TRPM8: variants seen among roughly 807,000 people sequenced by gnomAD.
The protein encoded by TRPM8 is transient receptor potential cation channel subfamily M member 8.
In TRPM8, 110 loss-of-function variants were observed where a neutral mutation model predicts 133.7. That is an observed-to-expected ratio of 0.82 (90% confidence interval 0.70 to 0.96). TRPM8 has a LOEUF of 0.96. TRPM8 is among the 40% of genes least tolerant of loss of function. The pLI is 0.00. For synonymous variants in TRPM8, 535 were observed against 532.3 expected (o/e 1.01, Z -0.07); for missense variants, 1,291 against 1,379.5 (o/e 0.94, Z 1.02).
chr2:233,921,817 C>T (rs1255829276), intron 1 of TRPM8, among the ~76,000 whole-genome samples: 3 of 151,200 alleles, frequency 2.0e-5, no homozygotes, highest in Non-Finnish European at 4.4e-5. Flanking sequence ...ATTACAGGTG[C>T]CCGCCACCAC....
chr2:233,972,401 C>T (rs1691748647), intron 17 of TRPM8, among the ~76,000 whole-genome samples: 1 of 152,272 alleles, frequency 6.6e-6, no homozygotes, highest in South Asian at 2.1e-4. Flanking sequence ...GCCCAGCTGG[C>T]TTCACCCAGT....
rs1041835758 is a variant in TRPM8 at position 233,965,063 on chromosome 2, G to C, written c.1879+306G>C. 3.5e-5 allele frequency among the ~76,000 whole-genome samples: 5 copies of C among 144,906 alleles called. No individual in the cohort carries two copies. The East Asian group carries it at 6.2e-4, about 18-fold the overall frequency. ...GACTACTTTTTTTTGTGGGGGGGGG[G>C]GGTGTTTCTGGATGCCGTTACAACA... On this transcript the variant is annotated intron_variant, in intron 14 of 25. Transcript: ENST00000324695.
At chr2:233,943,988 C>A (rs575953152) in intron 6 of TRPM8, among the ~76,000 whole-genome samples, 2 of 151,778 alleles carry the variant, frequency 1.3e-5, no homozygotes, top group South Asian at 4.2e-4. Flanking sequence ...TTTTGTGCAT[C>A]TTCAAGGAGG....
rs145759489 is a variant in TRPM8, at chr2:233,994,206, C to T, written c.2940-2120C>T. Among the ~76,000 whole-genome samples the T allele has an allele frequency of 1.4e-4, 22 of 152,286 alleles. No homozygotes were observed. In the East Asian group the frequency reaches 3.1e-3, roughly 21 times the overall value. ...GGGGCTGCTGCATGCACACGTGTCT[C>T]GTTGCAGCCGCAGAAACATGCAGTG... On this transcript the variant is annotated intron_variant, in intron 21 of 25. Transcript: ENST00000324695.
In TRPM8 at chr2:233,939,275, G is replaced by T. The variant is rs1014573792; in HGVS notation, c.526+100G>T. 4.5e-6 allele frequency: 6 copies of T among 1,326,610 alleles called. No homozygotes were observed. In the African/African-American group the frequency reaches 7.3e-5, roughly 16 times the overall value. The allele number at this position is 1,326,610 out of a possible 1,614,324, so 82.2% of individuals were successfully genotyped here. On this transcript the variant is annotated intron_variant, in intron 5 of 25. Coordinates refer to ENST00000324695, the MANE Select transcript of TRPM8 (RefSeq NM_024080.5). The stretch of plus-strand genomic sequence containing the variant: ...CCGTGTGCAATTCCGGAGAATCCGG[G>T]TGCTGCTAGAAGCATCTGATTAATC...
intron 22 of TRPM8, among the ~76,000 whole-genome samples, chr2:234,005,270 G>C (rs1278826407): frequency 6.6e-6 from 1 of 152,038 alleles, no homozygotes; most frequent in Non-Finnish European, 1.5e-5. Flanking sequence ...TTGCCAACAT[G>C]GGATATAGTC....
At chr2:233,986,345 G>A (rs1425942198) in intron 21 of TRPM8, among the ~76,000 whole-genome samples, 2 of 152,192 alleles carry the variant, frequency 1.3e-5, no homozygotes, top group African/African-American at 2.4e-5. Context: ...CTCTCCTTTA[G>A]GGCTCATGCC....
At chr2:234,012,498 A>T (rs10197047) in intron 24 of TRPM8, among the ~76,000 whole-genome samples, 3 of 143,814 alleles carry the variant, frequency 2.1e-5, no homozygotes, top group Non-Finnish European at 3.0e-5. Flanking sequence ...TGTGTGTGTG[A>T]GTGTGTGTAG....
At position 233,983,224 on chromosome 2, in the gene TRPM8, G is replaced by A. The variant is rs201072281; in HGVS notation, c.2761G>A (p.Gly921Ser). ...MFGQVPSDVD[G>S]TTYDFAHCTF... ...CGGCCAGGTGCCCAGTGACGTGGAT[G>A]GTAAGCCTGACTTGGCTCAGATGGA... Residue 921 changes from glycine (G) to serine (S), a missense_variant and splice_region_variant, in exon 20 of 26, where the codon GGT becomes AGT. By Grantham distance (56) the Gly-to-Ser change is moderately conservative (BLOSUM62 0). Around this residue, in one of 2 missense-constraint regions of TRPM8, gnomAD observed 328 missense variants for 410.6 expected, o/e 0.80. Coordinates refer to ENST00000324695, the MANE Select transcript of TRPM8 (RefSeq NM_024080.5). The A allele has an allele frequency of 1.2e-6, 2 of 1,613,942 alleles. No individual in the cohort carries two copies. The highest frequency in any genetic ancestry group is 1.7e-6 in the Non-Finnish European group (2 of 1,180,000).
chr2:233,923,296 G>A (rs940857271), intron 1 of TRPM8, among the ~76,000 whole-genome samples: 1 of 152,218 alleles, frequency 6.6e-6, no homozygotes, highest in Non-Finnish European at 1.5e-5. Context: ...TCTTGGGGAA[G>A]ATTTATTCTG....
chr2:234,013,943 G>A (rs1320184033), intron 24 of TRPM8, among the ~76,000 whole-genome samples: 2 of 152,108 alleles, frequency 1.3e-5, no homozygotes, highest in Non-Finnish European at 2.9e-5. Context: ...GAGTGATAAA[G>A]CAAATTAGAA....
At chr2:233,939,243 G>A in intron 5 of TRPM8, 68 bp downstream of exon 5, 1 of 1,552,996 alleles carries the variant, frequency 6.4e-7, no homozygotes, top group South Asian at 1.2e-5. Flanking sequence ...AGCAGAGAAG[G>A]CAGTTCCCGT....
Position 234,017,492 on chromosome 2 carries a change from T to C in TRPM8, c.*236T>C. ...ATTTCCTTTATGTGTTTCTCCAGAA[T>C]GGTGCCTGTTTCTCTCTGTGTCTCA... is the stretch of plus-strand genomic sequence containing the variant. On this transcript the variant is annotated 3_prime_UTR_variant, in exon 26 of 26. Coordinates refer to ENST00000324695, the MANE Select transcript of TRPM8 (RefSeq NM_024080.5). The C allele has an allele frequency of 2.5e-6, 1 of 403,282 alleles. No individual in the cohort carries two copies. Among genetic ancestry groups the C allele is most frequent in the Admixed American group, 2.9e-5 (1 of 34,890 alleles). The allele number at this position is 403,282 out of a possible 1,614,324, so 25.0% of individuals were successfully genotyped here. A position where few individuals can be genotyped will look rare whatever the true frequency, so the allele number is the denominator to read the frequency against.
At chr2:233,978,083 T>TTA (rs199925761) in intron 17 of TRPM8, among the ~76,000 whole-genome samples, 38 of 94,402 alleles carry the variant, frequency 4.0e-4, no homozygotes, top group Middle Eastern at 5.4e-3. Flanking sequence ...ACAATTTGCT[T>TTA]TTTTTTTTTT....
chr2:234,010,080 A>G (rs2125404659), intron 24 of TRPM8, among the ~76,000 whole-genome samples: 1 of 152,270 alleles, frequency 6.6e-6, no homozygotes, highest in Middle Eastern at 3.4e-3. Context: ...GATCTCTAGA[A>G]TTTATTTATC....
intron 2 of TRPM8, among the ~76,000 whole-genome samples, chr2:233,929,006 TTTA>T (rs386392923): frequency 0.023 from 3,169 of 136,130 alleles, 50 homozygotes; most frequent in Non-Finnish European, 0.035. Flanking sequence ...TCTTTTTTTT[TTTA>T]TTTTTTTGCT....
chr2:233,980,239 A>G lies in TRPM8; in HGVS notation c.2407A>G (p.Thr803Ala), dbSNP rs777936976. Residue 803 changes from threonine to alanine, a missense_variant, in exon 18 of 26, where the codon ACG (threonine) becomes GCG (alanine). Physicochemically the swap from Thr to Ala is moderately conservative, Grantham distance 58. Coordinates refer to ENST00000324695, the MANE Select transcript of TRPM8 (RefSeq NM_024080.5). ...TACTGACCTGTGGAATGTGATGGACACGCTGGGGCTTTTTTACTTCATAGC... is the reference window on the plus strand; with the variant it reads ...TACTGACCTGTGGAATGTGATGGACGCGCTGGGGCTTTTTTACTTCATAGC... The part of the protein sequence containing the change: ...YFTDLWNVMD[T>A]LGLFYFIAGI... 1.2e-5 allele frequency: 20 copies of G among 1,603,020 alleles called. No homozygotes were observed. In the East Asian group the frequency reaches 4.3e-4, roughly 34 times the overall value.
chr2:233,927,924 TTCTC>T lies in TRPM8; in HGVS notation c.117+1304_117+1307del, dbSNP rs1178731456. ...TTTCTTTCTTTCTCTCTCTCTCTCTTTCTCTCTCTCTCTCTCTCTCTCTCTCTCT... is the reference window on the plus strand; with the variant it reads ...TTTCTTTCTTTCTCTCTCTCTCTCTTTCTCTCTCTCTCTCTCTCTCTCTCT... On this transcript the variant is annotated intron_variant, in intron 2 of 25. Coordinates refer to ENST00000324695, the MANE Select transcript of TRPM8 (RefSeq NM_024080.5). 4.0e-3 allele frequency among the ~76,000 whole-genome samples: 111 copies of T among 28,048 alleles called. 16 individuals carry two copies. Among genetic ancestry groups the T allele is most frequent in the Non-Finnish European group, 4.6e-3 (84 of 18,342 alleles). 18.4% of individuals were successfully genotyped at this position (28,048 alleles called of 152,430 possible).
rs1221190287 is a variant in TRPM8 at position 233,953,932 on chromosome 2, G to A, written c.1156G>A (p.Glu386Lys). Residue 386 changes from glutamate to lysine, a missense_variant, in exon 10 of 26, where the codon GAA becomes AAA. Physicochemically the swap from Glu to Lys is moderately conservative, Grantham distance 56. Transcript: ENST00000324695. The stretch of plus-strand genomic sequence containing the variant: ...ATTTCGCCAGCTCAAAGAAATTCTC[G>A]AATGTTCTCACCTATTAACAGTTAT... Reference protein sequence around the residue: ...SWIKWLKEILECSHLLTVIKM... With the variant: ...SWIKWLKEILKCSHLLTVIKM... The A allele has an allele frequency of 4.3e-6, 7 of 1,611,480 alleles. No homozygotes were observed. Among genetic ancestry groups the A allele is most frequent in the South Asian group, 1.1e-5 (1 of 90,050 alleles).
Sources: gnomAD v4.1 joint callset for allele counts (sites outside exome capture counted in the v4.1 genomes callset) on GRCh38, gnomAD v4.1.1 for gene constraint, gnomAD v4.1.1 regional missense constraint, MANE v1.5 for transcripts, NCBI Gene and HGNC (gene_info 2026-07-23, HGNC 2026-07-21) for gene names.